RIC3: variants seen among roughly 807,000 people sequenced by gnomAD.
RIC3 encodes RIC3 acetylcholine receptor chaperone, also known as protein RIC-3.
Under a neutral mutation model 27.3 loss-of-function variants are expected in RIC3, and 28 were observed. That is an observed-to-expected ratio of 1.02 (90% CI 0.76 to 1.41). The LOEUF (loss-of-function observed/expected upper bound fraction) is 1.41, where lower values mean the gene tolerates loss of function less well. RIC3 is among the 40% of genes most tolerant of loss of function. The probability of loss-of-function intolerance (pLI) is 0.00; values close to 1 mark genes in which losing one functional copy is unlikely to be tolerated. For synonymous variants in RIC3, 184 were observed against 160.4 expected (o/e 1.15, Z -1.11); for missense variants, 501 against 444.7 (o/e 1.13, Z -1.14).
intron 1 of RIC3, among the ~76,000 whole-genome samples, chr11:8,151,739 C>A (rs1234619814): frequency 6.6e-6 from 1 of 151,420 alleles, no homozygotes; most frequent in Non-Finnish European, 1.5e-5. Context: ...CATGGTGAAA[C>A]CTCGTCTCTA....
At chr11:8,146,600 A>C (rs962720944) in intron 1 of RIC3, among the ~76,000 whole-genome samples, 1 of 152,216 alleles carries the variant, frequency 6.6e-6, no homozygotes, top group African/African-American at 2.4e-5. Context: ...CACAGCCCTC[A>C]GGAGGTCCTG....
intron 5 of RIC3, among the ~76,000 whole-genome samples, chr11:8,121,719 C>CA (rs201645842): frequency 0.043 from 6,453 of 151,302 alleles, 176 homozygotes; most frequent in South Asian, 0.088. Context: ...GCCTCTGTCT[C>CA]AAAAAAAATA....
At chr11:8,137,268 C>T (rs575542282) in intron 4 of RIC3, 110 bp downstream of exon 4, 190 of 844,230 alleles carry the variant, frequency 2.3e-4, no homozygotes, top group Non-Finnish European at 3.5e-4. Flanking sequence ...AGATGATCCA[C>T]CCACCTCGGC....
the RIC3 span, chr11:8,094,085 C>T: frequency 1.4e-5 from 23 of 1,614,050 alleles, no homozygotes; most frequent in Admixed American, 2.8e-4. Context: ...CAGCTGGGAG[C>T]CACGCGCCCA....
chr11:8,099,969 A>AGCTGGAGAGCC, the RIC3 span, among the ~76,000 whole-genome samples: 3 of 152,218 alleles, frequency 2.0e-5, no homozygotes, highest in Non-Finnish European at 4.4e-5. Flanking sequence ...ACTTGGAGTG[A>AGCTGGAGAGCC]GCTGGAGAGC....
intron 1 of RIC3, among the ~76,000 whole-genome samples, chr11:8,165,499 A>G (rs1414012859): frequency 6.6e-6 from 1 of 152,208 alleles, no homozygotes; most frequent in Admixed American, 6.5e-5. Context: ...AGAGACATAA[A>G]GTAGATGAGT....
At chr11:8,133,181 G>A (rs934260506) in intron 4 of RIC3, among the ~76,000 whole-genome samples, 2 of 152,070 alleles carry the variant, frequency 1.3e-5, no homozygotes, top group African/African-American at 4.8e-5. Context: ...GTGCTTGCTT[G>A]CCCTTCCGCC....
At chr11:8,121,068 G>C (rs1946392513) in intron 5 of RIC3, among the ~76,000 whole-genome samples, 1 of 152,270 alleles carries the variant, frequency 6.6e-6, no homozygotes, top group South Asian at 2.1e-4. Context: ...CAGTGGTTAA[G>C]AATGAAATCT....
Position 8,110,967 on chromosome 11 carries a change from G to A in RIC3, c.841C>T (p.Leu281=). 1 of 1,614,184 alleles carries A rather than the reference G, an allele frequency of 6.2e-7. No individual in the cohort carries two copies. The highest frequency in any genetic ancestry group is 8.5e-7 in the Non-Finnish European group (1 of 1,180,034). ...TCCTGGGCTCTGGGGTCAGTGGGCA[G>A]ACTTTCCCAACCCAAATGATCTGAT... ...EESDHLGWES[L]PTDPRAQEDN... The change falls in exon 6 of 6, where the codon CTG becomes TTG. Residue 281 remains leucine, a synonymous_variant. Coordinates refer to ENST00000309737, the MANE Select transcript of RIC3 (RefSeq NM_001206671.4).
intron 1 of RIC3, among the ~76,000 whole-genome samples, chr11:8,148,194 GA>G (rs1278696341): frequency 6.6e-6 from 1 of 152,150 alleles, no homozygotes; most frequent in African/African-American, 2.4e-5. Context: ...AAATGATATG[GA>G]AAATTTTGAA....
downstream of RIC3, chr11:8,101,378 C>A: frequency 7.2e-7 from 1 of 1,394,834 alleles, no homozygotes; most frequent in Non-Finnish European, 1.0e-6. Context: ...GGCATCTCTG[C>A]TTCTCACTTG....
the RIC3 span, among the ~76,000 whole-genome samples, chr11:8,093,102 G>T: frequency 6.6e-6 from 1 of 151,982 alleles, no homozygotes; most frequent in South Asian, 2.1e-4. Flanking sequence ...TAAACAGATG[G>T]TCACGGGGTT....
intron 1 of RIC3, among the ~76,000 whole-genome samples, chr11:8,142,599 C>T (rs1487029832): frequency 2.0e-5 from 3 of 147,526 alleles, no homozygotes; most frequent in Non-Finnish European, 4.4e-5. Flanking sequence ...ATCAGAGGTA[C>T]AAGGAGGAAC....
At chr11:8,095,809 T>C in the RIC3 span, 7 of 927,722 alleles carry the variant, frequency 7.5e-6, no homozygotes, top group East Asian at 1.9e-4. Flanking sequence ...CGGAGACAAA[T>C]GAGAAACTCT....
At chr11:8,157,524 A>T (rs1404373051) in intron 1 of RIC3, among the ~76,000 whole-genome samples, 1 of 152,160 alleles carries the variant, frequency 6.6e-6, no homozygotes, top group Non-Finnish European at 1.5e-5. Flanking sequence ...CAACTTGTTC[A>T]ACTACAGGTG....
downstream of RIC3, chr11:8,101,727 A>G (rs1009777896): frequency 6.8e-7 from 1 of 1,466,058 alleles, no homozygotes; most frequent in Non-Finnish European, 9.0e-7. Context: ...CGCCAGATGA[A>G]GCTTTGGCCC....
chr11:8,142,224 T>G (rs1404181725), intron 1 of RIC3, among the ~76,000 whole-genome samples: 1 of 133,860 alleles, frequency 7.5e-6, no homozygotes, highest in African/African-American at 3.2e-5. Flanking sequence ...TTCAAAAAAT[T>G]AATGAATCCA....
rs1565056905 is a variant in RIC3 at position 8,139,949 on chromosome 11, T to G, written c.351+18A>C. The stretch of plus-strand genomic sequence containing the variant: ...TAGATTTTCATTGATGTAATATGAT[T>G]AGGATGATTCTACTTACCTTAAATA... On this transcript the variant is annotated intron_variant, in intron 2 of 5. Coordinates refer to ENST00000309737, the MANE Select transcript of RIC3 (RefSeq NM_001206671.4). 2 of 1,594,192 alleles carry G rather than the reference T, an allele frequency of 1.3e-6. No individual in the cohort carries two copies. Among genetic ancestry groups the G allele is most frequent in the South Asian group, 2.2e-5 (2 of 90,356 alleles).
At chr11:8,127,444 A>G (rs1484242733) in intron 4 of RIC3, among the ~76,000 whole-genome samples, 1 of 152,204 alleles carries the variant, frequency 6.6e-6, no homozygotes, top group Non-Finnish European at 1.5e-5. Context: ...AACTAAAACC[A>G]CCCAGGCTTC....
Sources: allele counts gnomAD v4.1 joint callset (sites outside exome capture counted in the v4.1 genomes callset), GRCh38; gene constraint gnomAD v4.1.1; transcripts MANE v1.5; gene names NCBI Gene and HGNC (gene_info 2026-07-23, HGNC 2026-07-21).